The following PAPSS1 variants were observed in gnomAD, a reference collection of about 807,000 sequenced individuals.
PAPSS1 encodes the protein bifunctional 3'-phosphoadenosine 5'-phosphosulfate synthase 1.
Under a neutral mutation model 72.0 loss-of-function variants are expected in PAPSS1, and 50 were observed. That is an observed-to-expected ratio of 0.69 (90% CI 0.55 to 0.88). The LOEUF (loss-of-function observed/expected upper bound fraction) is 0.88. Ranked by LOEUF, PAPSS1 falls within the 40% of genes least tolerant of loss-of-function variation. The probability of loss-of-function intolerance (pLI) is 0.00; values close to 1 mark genes in which losing one functional copy is unlikely to be tolerated. For synonymous variants in PAPSS1, 261 were observed against 263.6 expected (o/e 0.99, Z 0.09); for missense variants, 657 against 782.2 (o/e 0.84, Z 1.91).
At chr4:107,647,553 C>T (rs1488314271) in intron 9 of PAPSS1, among the ~76,000 whole-genome samples, 1 of 151,994 alleles carries the variant, frequency 6.6e-6, no homozygotes, top group Non-Finnish European at 1.5e-5. Flanking sequence ...CCTCTCTATG[C>T]TTTTTTTTAA....
intron 4 of PAPSS1, 39 bp downstream of exon 4, chr4:107,687,000 A>G (rs779377192): frequency 8.2e-6 from 13 of 1,578,548 alleles, no homozygotes; most frequent in Non-Finnish European, 1.1e-5. Flanking sequence ...AACATAAAAT[A>G]TCTAAGCAAA....
At chr4:107,694,523 TG>T (rs70947091) in intron 2 of PAPSS1, among the ~76,000 whole-genome samples, 42,742 of 152,062 alleles carry the variant, frequency 0.28, 6,963 homozygotes, top group East Asian at 0.46. Context: ...CAGACATGGT[TG>T]GGAATTCACT....
intron 11 of PAPSS1, among the ~76,000 whole-genome samples, chr4:107,630,337 TATA>T (rs1726197233): frequency 6.6e-6 from 1 of 152,250 alleles, no homozygotes. Flanking sequence ...CATCTTGAAT[TATA>T]ATCCCCACAT....
chr4:107,696,839 C>T (rs1422657243), intron 2 of PAPSS1, among the ~76,000 whole-genome samples: 1 of 152,162 alleles, frequency 6.6e-6, no homozygotes, highest in Non-Finnish European at 1.5e-5. Context: ...TAGCCAGCTG[C>T]ATTTTCCAAA....
intron 5 of PAPSS1, among the ~76,000 whole-genome samples, chr4:107,681,021 T>C (rs918671948): frequency 6.6e-6 from 1 of 152,200 alleles, no homozygotes; most frequent in African/African-American, 2.4e-5. Flanking sequence ...TTTTATAATG[T>C]GGAAAAACTC....
At chr4:107,663,689 G>A (rs555814838) in intron 5 of PAPSS1, among the ~76,000 whole-genome samples, 2 of 152,284 alleles carry the variant, frequency 1.3e-5, no homozygotes, top group East Asian at 3.9e-4. Flanking sequence ...AGTAATTAGA[G>A]TATGCTTGCT....
At chr4:107,675,482 C>T (rs1727616771) in intron 5 of PAPSS1, among the ~76,000 whole-genome samples, 1 of 152,098 alleles carries the variant, frequency 6.6e-6, no homozygotes, top group Admixed American at 6.5e-5. Flanking sequence ...AAGACTAAAC[C>T]AGGAAGAAGT....
chr4:107,719,524 G>A (rs574021476), intron 1 of PAPSS1, among the ~76,000 whole-genome samples: 2 of 152,268 alleles, frequency 1.3e-5, no homozygotes, highest in African/African-American at 4.8e-5. Flanking sequence ...TAAACATTCC[G>A]ATTTAACACA....
chr4:107,626,177 CAAA>C (rs11395725), intron 11 of PAPSS1, among the ~76,000 whole-genome samples: 4 of 97,646 alleles, frequency 4.1e-5, no homozygotes, highest in Admixed American at 1.0e-4. Flanking sequence ...GACTCTGTCT[CAAA>C]AAAAAAAAAA....
intron 9 of PAPSS1, 133 bp from the exon 10 acceptor site, chr4:107,645,203 G>A (rs1391299808): frequency 2.0e-5 from 9 of 444,844 alleles, no homozygotes; most frequent in South Asian, 6.8e-5. Flanking sequence ...TCAGAAAACT[G>A]GTAAAAAAAA....
At position 107,701,207 on chromosome 4, in the gene PAPSS1, T is replaced by C; in HGVS notation, c.139A>G (p.Arg47Gly). ...ACTGTGCAACCACGAAAGCCACCTC[T>C]GGTCCCCACCACCTGACCTCTCTTG... is the stretch of plus-strand genomic sequence containing the variant. ...RNKRGQVVGT[R>G]GGFRGCTVWL... The change falls in exon 2 of 12, where the codon AGA becomes GGA. Residue 47 changes from arginine (R) to glycine (G), a missense_variant. Arg to Gly is a moderately radical substitution (Grantham distance 125, BLOSUM62 -2). Coordinates refer to ENST00000265174, the MANE Select transcript of PAPSS1 (RefSeq NM_005443.5). 2 of 1,613,898 alleles carry C rather than the reference T, an allele frequency of 1.2e-6. No individual in the cohort carries two copies. Among genetic ancestry groups the C allele is most frequent in the Non-Finnish European group, 1.7e-6 (2 of 1,179,862 alleles).
intron 5 of PAPSS1, among the ~76,000 whole-genome samples, chr4:107,665,660 C>T (rs1469757740): frequency 6.6e-6 from 1 of 152,092 alleles, no homozygotes; most frequent in Non-Finnish European, 1.5e-5. Flanking sequence ...CCACACTCTA[C>T]TATTAATGAG....
At chr4:107,668,895 A>G (rs1727391173) in intron 5 of PAPSS1, among the ~76,000 whole-genome samples, 1 of 152,088 alleles carries the variant, frequency 6.6e-6, no homozygotes, top group African/African-American at 2.4e-5. Flanking sequence ...ACACACATTT[A>G]TATATTCTTT....
intron 5 of PAPSS1, among the ~76,000 whole-genome samples, chr4:107,669,412 T>C (rs62311622): frequency 0.019 from 2,850 of 152,326 alleles, 63 homozygotes; most frequent in East Asian, 0.066. Context: ...TTCTACATCA[T>C]AGTATAAAAG....
intron 10 of PAPSS1, among the ~76,000 whole-genome samples, chr4:107,640,550 A>G (rs1284899330): frequency 6.6e-6 from 1 of 152,170 alleles, no homozygotes; most frequent in Non-Finnish European, 1.5e-5. Context: ...AAGCTACAAA[A>G]ATGAGAGGGT....
In PAPSS1 at chr4:107,656,930, G is replaced by T. The variant is rs756377276; in HGVS notation, c.861C>A (p.Tyr287Ter). The change falls in exon 7 of 12, where the codon TAC (tyrosine) becomes TAA (stop). Residue 287 changes from tyrosine to a stop codon, truncating the protein, a stop_gained. Transcript: ENST00000265174. LOFTEE classifies it high-confidence loss of function. ...PLNGFMREREYLQCLHFDCLL... is the reference protein window; with the variant it reads ...PLNGFMRERE Reference sequence around the variant, plus strand: ...GACAATCAAAATGAAGGCACTGCAAGTACTCCCTCTCTCTCATAAAGCCAT... The same window carrying T: ...GACAATCAAAATGAAGGCACTGCAATTACTCCCTCTCTCTCATAAAGCCAT... 1.9e-6 allele frequency: 3 copies of T among 1,612,998 alleles called. No individual in the cohort carries two copies. Among genetic ancestry groups the T allele is most frequent in the Non-Finnish European group, 1.7e-6 (2 of 1,179,022 alleles).
intron 11 of PAPSS1, among the ~76,000 whole-genome samples, chr4:107,615,697 G>A (rs1691223805): frequency 6.6e-6 from 1 of 152,100 alleles, no homozygotes. Context: ...CTCATGATGT[G>A]ATTAATGATA....
chr4:107,677,293 A>T (rs1249587892), intron 5 of PAPSS1, among the ~76,000 whole-genome samples: 1 of 152,214 alleles, frequency 6.6e-6, no homozygotes, highest in African/African-American at 2.4e-5. Flanking sequence ...TCATCTGACA[A>T]AGGGCTAATA....
intron 1 of PAPSS1, among the ~76,000 whole-genome samples, chr4:107,702,395 A>T (rs528850755): frequency 6.6e-6 from 1 of 152,330 alleles, no homozygotes; most frequent in African/African-American, 2.4e-5. Context: ...CATTTTCAGA[A>T]ATACATTGTT....
Sources: allele counts gnomAD v4.1 joint callset (sites outside exome capture counted in the v4.1 genomes callset), GRCh38; gene constraint gnomAD v4.1.1; transcripts MANE v1.5; gene names NCBI Gene and HGNC (gene_info 2026-07-23, HGNC 2026-07-21).